The following TENM2 variants were observed in gnomAD, a reference collection of about 807,000 sequenced individuals.
The protein encoded by TENM2 is teneurin transmembrane protein 2, also known as teneurin-2.
TENM2 carries 52 observed loss-of-function variants against 245.2 expected under a neutral mutation model. The observed-to-expected ratio is 0.21, with a 90% CI of 0.17 to 0.27. TENM2 has a LOEUF of 0.27. TENM2 is among the 10% of genes least tolerant of loss of function. TENM2 has a pLI of 1.00. For missense variants in TENM2, 3,046 were observed against 3,666.8 expected (o/e 0.83, Z 4.37); for synonymous variants, 1,363 against 1,438.9 (o/e 0.95, Z 1.19).
chr5:167,226,001 A>G, the TENM2 span, among the ~76,000 whole-genome samples: 2 of 151,700 alleles, frequency 1.3e-5, no homozygotes, highest in Admixed American at 1.3e-4. Context: ...TTGTTGTATC[A>G]GTTGTAATGC....
At chr5:167,227,501 C>T in the TENM2 span, among the ~76,000 whole-genome samples, 1 of 152,052 alleles carries the variant, frequency 6.6e-6, no homozygotes. Context: ...CTTTATTTCT[C>T]CTTCATTTAT....
At chr5:167,779,304 C>G (rs1764023714) in intron 2 of TENM2, among the ~76,000 whole-genome samples, 1 of 152,162 alleles carries the variant, frequency 6.6e-6, no homozygotes, top group Admixed American at 6.5e-5. Context: ...GTTCATTACT[C>G]CAGCCTCCAT....
At chr5:167,631,797 C>T (rs1778893132) in intron 2 of TENM2, among the ~76,000 whole-genome samples, 3 of 152,178 alleles carry the variant, frequency 2.0e-5, no homozygotes, top group African/African-American at 7.2e-5. Flanking sequence ...TCCCCACCCT[C>T]AGGCAAGGCT....
intron 2 of TENM2, among the ~76,000 whole-genome samples, chr5:167,598,032 CCTT>C (rs1776344654): frequency 6.6e-6 from 1 of 152,130 alleles, no homozygotes; most frequent in Non-Finnish European, 1.5e-5. Context: ...CTGCATTAAC[CCTT>C]CTTGGAGTCA....
the TENM2 span, among the ~76,000 whole-genome samples, chr5:167,234,227 A>C: frequency 6.6e-6 from 1 of 152,222 alleles, no homozygotes; most frequent in Non-Finnish European, 1.5e-5. Flanking sequence ...GGCTAAGGGA[A>C]ACAAATCAAT....
chr5:167,443,682 G>A (rs1764992384), intron 2 of TENM2, among the ~76,000 whole-genome samples: 1 of 152,060 alleles, frequency 6.6e-6, no homozygotes. Flanking sequence ...AAAGAGGTGA[G>A]GATAATAGTA....
At chr5:167,836,247 A>G (rs1354031048) in intron 2 of TENM2, among the ~76,000 whole-genome samples, 3 of 152,134 alleles carry the variant, frequency 2.0e-5, no homozygotes, top group Non-Finnish European at 4.4e-5. Flanking sequence ...GCAAACAGTC[A>G]TTTTTCTCTG....
At chr5:167,907,932 A>G (rs577031890) in intron 3 of TENM2, among the ~76,000 whole-genome samples, 154 of 152,088 alleles carry the variant, frequency 1.0e-3, no homozygotes, top group African/African-American at 3.5e-3. Flanking sequence ...CTCTTAGGGG[A>G]GATAAAGTTC....
At chr5:167,236,762 C>T in the TENM2 span, among the ~76,000 whole-genome samples, 3 of 152,130 alleles carry the variant, frequency 2.0e-5, no homozygotes, top group Non-Finnish European at 4.4e-5. Context: ...AGTAGAACAT[C>T]CACGGTATCA....
chr5:167,263,388 C>T, the TENM2 span, among the ~76,000 whole-genome samples: 4 of 152,118 alleles, frequency 2.6e-5, no homozygotes, highest in Non-Finnish European at 2.9e-5. Flanking sequence ...AGCTGGAATT[C>T]GAAGCCATGG....
At chr5:168,169,709 T>C (rs1427186317) in intron 13 of TENM2, among the ~76,000 whole-genome samples, 3 of 152,206 alleles carry the variant, frequency 2.0e-5, no homozygotes, top group African/African-American at 7.2e-5. Flanking sequence ...CATGCCCAAA[T>C]AGTCCAGTTT....
At chr5:167,873,141 A>G (rs1302456892) in intron 2 of TENM2, among the ~76,000 whole-genome samples, 1 of 152,266 alleles carries the variant, frequency 6.6e-6, no homozygotes, top group Non-Finnish European at 1.5e-5. Flanking sequence ...TGAGTTCAGG[A>G]GCCTTGAAGA....
At chr5:167,429,475 G>C (rs1162448727) in intron 2 of TENM2, among the ~76,000 whole-genome samples, 1 of 152,162 alleles carries the variant, frequency 6.6e-6, no homozygotes, top group Non-Finnish European at 1.5e-5. Flanking sequence ...TTTGGAAGTA[G>C]GGGGAGCCTG....
intron 2 of TENM2, among the ~76,000 whole-genome samples, chr5:167,550,109 A>C (rs1267682554): frequency 2.6e-5 from 4 of 152,194 alleles, no homozygotes; most frequent in African/African-American, 9.7e-5. Context: ...CATTTTTTAA[A>C]AAATTAAATC....
At chr5:167,477,528 T>C (rs758274684) in intron 2 of TENM2, among the ~76,000 whole-genome samples, 6 of 152,192 alleles carry the variant, frequency 3.9e-5, no homozygotes, top group Non-Finnish European at 5.9e-5. Flanking sequence ...AGCTGACATC[T>C]ATTGTTTACA....
chr5:167,538,260 C>T (rs1185212298), intron 2 of TENM2, among the ~76,000 whole-genome samples: 4 of 152,306 alleles, frequency 2.6e-5, no homozygotes, highest in South Asian at 2.1e-4. Flanking sequence ...TTCAAATAAT[C>T]GAGACATACT....
chr5:167,712,753 A>C (rs182492448), intron 2 of TENM2, among the ~76,000 whole-genome samples: 2 of 152,342 alleles, frequency 1.3e-5, no homozygotes, highest in Non-Finnish European at 2.9e-5. Flanking sequence ...ATGAATCTAG[A>C]CATTAGAAAA....
At chr5:167,398,184 A>G (rs1762163250) in intron 2 of TENM2, among the ~76,000 whole-genome samples, 1 of 152,176 alleles carries the variant, frequency 6.6e-6, no homozygotes, top group African/African-American at 2.4e-5. Context: ...TCGAGGCTAT[A>G]GTGCAGAAAT....
chr5:166,980,619 T>C, the TENM2 span, among the ~76,000 whole-genome samples: 1 of 152,206 alleles, frequency 6.6e-6, no homozygotes, highest in African/African-American at 2.4e-5. Context: ...GTAGAAAAAC[T>C]GAAGGGCCAG....
Sources: allele counts gnomAD v4.1 joint callset (sites outside exome capture counted in the v4.1 genomes callset), GRCh38; gene constraint gnomAD v4.1.1; transcripts MANE v1.5; gene names NCBI Gene and HGNC (gene_info 2026-07-23, HGNC 2026-07-21).